Variants in SLC35F1 observed in about 807,000 individuals in gnomAD.
SLC35F1 encodes the protein chromosome 6 open reading frame 169.
Under a neutral mutation model 48.7 loss-of-function variants are expected in SLC35F1, and 14 were observed. The observed-to-expected ratio is 0.29, with a 90% CI of 0.19 to 0.45. The LOEUF is 0.45. Ranked by LOEUF, SLC35F1 falls within the 20% of genes least tolerant of loss-of-function variation. SLC35F1 has a pLI of 1.00. For synonymous variants in SLC35F1, 190 were observed against 202.2 expected (o/e 0.94, Z 0.51); for missense variants, 404 against 500.0 (o/e 0.81, Z 1.83).
chr6:117,966,460 G>A (rs1582590193), intron 1 of SLC35F1, among the ~76,000 whole-genome samples: 1 of 151,880 alleles, frequency 6.6e-6, no homozygotes, highest in Non-Finnish European at 1.5e-5. Context: ...AACTCGGGAT[G>A]CGCTGCCTTT....
intron 3 of SLC35F1, 124 bp from the exon 4 acceptor site, chr6:118,266,871 C>T: frequency 3.0e-6 from 3 of 1,009,206 alleles, no homozygotes; most frequent in Admixed American, 2.0e-5. Flanking sequence ...TCTGGGTCTA[C>T]ACAAAATCTC....
chr6:118,151,874 C>CT (rs1299804261), intron 1 of SLC35F1, among the ~76,000 whole-genome samples: 6 of 151,940 alleles, frequency 3.9e-5, no homozygotes. Flanking sequence ...TTCTTTCTTT[C>CT]TTTTTTTTAT....
At chr6:118,049,179 A>G (rs1364998347) in intron 1 of SLC35F1, among the ~76,000 whole-genome samples, 5 of 152,142 alleles carry the variant, frequency 3.3e-5, no homozygotes, top group Non-Finnish European at 5.9e-5. Context: ...AGCTGAAACT[A>G]GATCCCTTCC....
At chr6:118,115,401 A>G (rs1288150865) in intron 1 of SLC35F1, among the ~76,000 whole-genome samples, 5 of 152,240 alleles carry the variant, frequency 3.3e-5, no homozygotes, top group Non-Finnish European at 5.9e-5. Flanking sequence ...TGGAGGAATC[A>G]AGGACAGAGT....
intron 6 of SLC35F1, among the ~76,000 whole-genome samples, chr6:118,282,329 C>T (rs576639727): frequency 7.9e-5 from 12 of 152,312 alleles, no homozygotes; most frequent in African/African-American, 2.9e-4. Context: ...GCTTGGGAAA[C>T]AGTATATTCA....
intron 1 of SLC35F1, among the ~76,000 whole-genome samples, chr6:118,026,624 A>G (rs928737530): frequency 2.6e-5 from 4 of 152,172 alleles, no homozygotes; most frequent in Admixed American, 6.5e-5. Context: ...GGAGACTTTT[A>G]CATTCAATCT....
At chr6:117,967,129 T>C (rs1562250761) in intron 1 of SLC35F1, among the ~76,000 whole-genome samples, 1 of 152,188 alleles carries the variant, frequency 6.6e-6, no homozygotes, top group African/African-American at 2.4e-5. Flanking sequence ...CTTTGATACT[T>C]TGCTATATCA....
chr6:118,049,933 C>G (rs1772361203), intron 1 of SLC35F1, among the ~76,000 whole-genome samples: 1 of 152,104 alleles, frequency 6.6e-6, no homozygotes, highest in Non-Finnish European at 1.5e-5. Context: ...TATTGTGGCA[C>G]TATTCACAGT....
chr6:117,975,958 A>G (rs569766017), intron 1 of SLC35F1, among the ~76,000 whole-genome samples: 3 of 152,334 alleles, frequency 2.0e-5, no homozygotes, highest in South Asian at 2.1e-4. Context: ...CCACTGTGAT[A>G]ACTTCCCACG....
At chr6:118,156,890 A>T (rs1193461767) in intron 2 of SLC35F1, among the ~76,000 whole-genome samples, 1 of 152,062 alleles carries the variant, frequency 6.6e-6, no homozygotes. Context: ...GGAAAAAAAA[A>T]GTTAAGCCAT....
chr6:118,121,002 T>TA (rs1451824076), intron 1 of SLC35F1, among the ~76,000 whole-genome samples: 1 of 151,884 alleles, frequency 6.6e-6, no homozygotes, highest in African/African-American at 2.4e-5. Context: ...AATATATATA[T>TA]TTTTTTATTT....
chr6:118,032,998 T>G (rs1463513758), intron 1 of SLC35F1, among the ~76,000 whole-genome samples: 1 of 152,192 alleles, frequency 6.6e-6, no homozygotes, highest in African/African-American at 2.4e-5. Flanking sequence ...TCTTGCATCT[T>G]TTTTCTTTTG....
intron 1 of SLC35F1, among the ~76,000 whole-genome samples, chr6:118,041,534 G>A (rs1772220672): frequency 6.6e-6 from 1 of 152,050 alleles, no homozygotes; most frequent in East Asian, 1.9e-4. Context: ...GGATGGGGGT[G>A]GGGAGACATT....
At chr6:118,145,861 A>G (rs1773965352) in intron 1 of SLC35F1, among the ~76,000 whole-genome samples, 2 of 152,226 alleles carry the variant, frequency 1.3e-5, no homozygotes, top group African/African-American at 4.8e-5. Context: ...ATTAGCCTCA[A>G]ATTATTAAGA....
chr6:118,174,138 T>C (rs1444140748), intron 2 of SLC35F1, among the ~76,000 whole-genome samples: 1 of 151,958 alleles, frequency 6.6e-6, no homozygotes. Context: ...GTCTCTACTG[T>C]TTTTTTATAC....
At chr6:118,192,941 A>G (rs927476858) in intron 2 of SLC35F1, among the ~76,000 whole-genome samples, 5 of 152,168 alleles carry the variant, frequency 3.3e-5, no homozygotes, top group Non-Finnish European at 7.4e-5. Flanking sequence ...ACAGAATTCC[A>G]GGTTGCCATA....
chr6:117,957,114 C>T (rs1303785556), intron 1 of SLC35F1, among the ~76,000 whole-genome samples: 1 of 152,182 alleles, frequency 6.6e-6, no homozygotes, highest in Non-Finnish European at 1.5e-5. Flanking sequence ...TCTGCCTGTG[C>T]ATCCAGCGTG....
chr6:118,281,794 A>T lies in SLC35F1; in HGVS notation c.848-3390A>T, dbSNP rs545652368. Among the ~76,000 whole-genome samples, 164 of 152,276 alleles carry T rather than the reference A, an allele frequency of 1.1e-3. 1 individual carries two copies. Among genetic ancestry groups the T allele is most frequent in the African/African-American group, 3.7e-3 (154 of 41,546 alleles). ...CTTTGTAACTTGTACTCCATATAAC[A>T]TATCCTCTATTTAACCCAGTATGGA... On this transcript the variant is annotated intron_variant, in intron 6 of 7. Coordinates refer to ENST00000360388, the MANE Select transcript of SLC35F1 (RefSeq NM_001029858.4).
chr6:118,163,497 T>C (rs573150818), intron 2 of SLC35F1, among the ~76,000 whole-genome samples: 1 of 152,232 alleles, frequency 6.6e-6, no homozygotes, highest in South Asian at 2.1e-4. Context: ...AAATACTTTA[T>C]TAATGAATGT....
Sources: gnomAD v4.1 joint callset for allele counts (sites outside exome capture counted in the v4.1 genomes callset) on GRCh38, gnomAD v4.1.1 for gene constraint, MANE v1.5 for transcripts, NCBI Gene and HGNC (gene_info 2026-07-23, HGNC 2026-07-21) for gene names.